The following CADM1 variants were observed in gnomAD, a reference collection of about 807,000 sequenced individuals.
The protein encoded by CADM1 is cell adhesion molecule 1.
CADM1 carries 15 observed loss-of-function variants against 53.1 expected under a neutral mutation model. That is an observed-to-expected ratio of 0.28 (90% CI 0.19 to 0.44). The LOEUF (loss-of-function observed/expected upper bound fraction) is 0.44. Ranked by LOEUF, CADM1 falls within the 20% of genes least tolerant of loss-of-function variation. CADM1 has a pLI of 1.00. For synonymous variants in CADM1, 281 were observed against 243.0 expected (o/e 1.16, Z -1.45); for missense variants, 434 against 611.3 (o/e 0.71, Z 3.06).
chr11:115,327,114 C>CTT (rs1231872757), intron 1 of CADM1, among the ~76,000 whole-genome samples: 1 of 152,152 alleles, frequency 6.6e-6, no homozygotes, highest in African/African-American at 2.4e-5. Flanking sequence ...TACTTGCCAT[C>CTT]TTTACATGCA....
intron 1 of CADM1, among the ~76,000 whole-genome samples, chr11:115,400,633 A>T (rs1410699431): frequency 2.3e-5 from 2 of 85,560 alleles, no homozygotes; most frequent in African/African-American, 4.3e-5. Flanking sequence ...TATATGTATC[A>T]TATATATGTG....
At chr11:115,337,396 CCT>C (rs1199646797) in intron 1 of CADM1, among the ~76,000 whole-genome samples, 5 of 152,126 alleles carry the variant, frequency 3.3e-5, no homozygotes, top group African/African-American at 1.2e-4. Context: ...CTCAACAGCA[CCT>C]CTCTTTTCCA....
chr11:115,290,151 A>C lies in CADM1; in HGVS notation c.125-49731T>G, dbSNP rs543563981. Reference sequence around the variant, plus strand: ...GTAAACAGATGGAGGGAAGGGCAGAAAGGTGAGAGCAGTGTCTGCAGAGGC... The same window carrying C: ...GTAAACAGATGGAGGGAAGGGCAGACAGGTGAGAGCAGTGTCTGCAGAGGC... On this transcript the variant is annotated intron_variant, in intron 1 of 11. Transcript: ENST00000331581. 3.9e-5 allele frequency among the ~76,000 whole-genome samples: 6 copies of C among 152,334 alleles called. No homozygotes were observed. The East Asian group carries it at 1.2e-3, about 29-fold the overall frequency.
chr11:115,184,784 C>G (rs561077636), intron 10 of CADM1, among the ~76,000 whole-genome samples: 49 of 152,356 alleles, frequency 3.2e-4, no homozygotes, highest in Non-Finnish European at 5.1e-4. Flanking sequence ...TGGTGCCACC[C>G]AGAGCTCAGT....
intron 1 of CADM1, among the ~76,000 whole-genome samples, chr11:115,344,001 T>G (rs989874248): frequency 3.3e-5 from 5 of 152,182 alleles, no homozygotes; most frequent in Non-Finnish European, 7.3e-5. Flanking sequence ...AGAGTTTAAA[T>G]AGAGTATCGT....
intron 1 of CADM1, among the ~76,000 whole-genome samples, chr11:115,457,837 A>G (rs1375025646): frequency 1.3e-5 from 2 of 152,182 alleles, no homozygotes; most frequent in African/African-American, 4.8e-5. Flanking sequence ...AAAAACGGCT[A>G]ATGAATAAGT....
At position 115,496,817 on chromosome 11, in the gene CADM1, C is replaced by T. The variant is rs186964753; in HGVS notation, c.124+7454G>A. On this transcript the variant is annotated intron_variant, in intron 1 of 11. Transcript: ENST00000331581. ...AAGCTAAGGAGGGGAAAAAAGACTC[C>T]AAATTTAGGGGCCTTGGAGACCAGG... Among the ~76,000 whole-genome samples the T allele has an allele frequency of 7.6e-3, 1,151 of 152,048 alleles. 66 individuals are homozygous for T. Among genetic ancestry groups the T allele is most frequent in the East Asian group, 3.5e-3 (18 of 5,172 alleles).
chr11:115,479,167 T>TGC (rs2135406123), intron 1 of CADM1, among the ~76,000 whole-genome samples: 1 of 152,258 alleles, frequency 6.6e-6, no homozygotes, highest in East Asian at 1.9e-4. Flanking sequence ...ATTTTTATCT[T>TGC]TAAGACTTTT....
intron 1 of CADM1, among the ~76,000 whole-genome samples, chr11:115,501,587 A>C (rs1246338556): frequency 6.6e-6 from 1 of 152,164 alleles, no homozygotes; most frequent in African/African-American, 2.4e-5. Context: ...ATTAACATCC[A>C]TTTCATCCAA....
chr11:115,190,033 C>T (rs1343695274), intron 10 of CADM1, among the ~76,000 whole-genome samples: 1 of 152,202 alleles, frequency 6.6e-6, no homozygotes, highest in Non-Finnish European at 1.5e-5. Context: ...GTAAAAGCGC[C>T]TCTGGAATCT....
intron 1 of CADM1, among the ~76,000 whole-genome samples, chr11:115,491,503 C>G (rs1263435723): frequency 6.6e-6 from 1 of 151,776 alleles, no homozygotes; most frequent in Non-Finnish European, 1.5e-5. Flanking sequence ...GGCGGGGAGC[C>G]TGCAGTGAGC....
intron 1 of CADM1, among the ~76,000 whole-genome samples, chr11:115,448,908 TTCAATCCTCAGGATTA>T (rs1490163966): frequency 6.6e-6 from 1 of 152,228 alleles, no homozygotes; most frequent in Non-Finnish European, 1.5e-5. Context: ...AATTCTTTAT[TTCAATCCTCAGGATTA>T]TTCTTCCCAT....
At chr11:115,448,347 G>A (rs535991452) in intron 1 of CADM1, among the ~76,000 whole-genome samples, 1 of 152,036 alleles carries the variant, frequency 6.6e-6, no homozygotes, top group Admixed American at 6.6e-5. Context: ...CTATAAATCT[G>A]ATTAGAAAAA....
In CADM1 at chr11:115,486,375, A is replaced by G. The variant is rs534193142; in HGVS notation, c.124+17896T>C. On this transcript the variant is annotated intron_variant, in intron 1 of 11. Coordinates refer to ENST00000331581, the MANE Select transcript of CADM1 (RefSeq NM_001301043.2). ...TGTTTATGTATTTATTTTTTGAGAC[A>G]GGTCTCACTCTGTTGCCCAGGCTGG... Among the ~76,000 whole-genome samples, 3 of 152,290 alleles carry G rather than the reference A, an allele frequency of 2.0e-5. No homozygotes were observed. In the South Asian group the frequency reaches 6.2e-4, roughly 32 times the overall value.
chr11:115,228,219 A>T (rs139018021), intron 5 of CADM1, among the ~76,000 whole-genome samples: 1 of 152,268 alleles, frequency 6.6e-6, no homozygotes, highest in African/African-American at 2.4e-5. Flanking sequence ...TCCTGCCAAA[A>T]CCTTGATTTT....
Position 115,176,445 on chromosome 11 carries a change from G to A in CADM1, c.*29C>T. ...CTTTATCATCTAAATAGGGCCAGTT[G>A]GACACCTCATTGAAACAAAAAGGCT... On this transcript the variant is annotated 3_prime_UTR_variant, in exon 12 of 12. Transcript: ENST00000331581. 2 of 1,612,552 alleles carry A rather than the reference G, an allele frequency of 1.2e-6. No individual in the cohort carries two copies. Among genetic ancestry groups the A allele is most frequent in the African/African-American group, 1.3e-5 (1 of 74,922 alleles).
At position 115,173,132 on chromosome 11, in the gene CADM1, C is replaced by T. The variant is rs1938855795; in HGVS notation, c.*3342G>A. Reference sequence around the variant, plus strand: ...AGGCAGCCAAGCCAGTCCTCCACAGCTCACGTCTTCTTTTTATGAAAGGAG... The same window carrying T: ...AGGCAGCCAAGCCAGTCCTCCACAGTTCACGTCTTCTTTTTATGAAAGGAG... On this transcript the variant is annotated 3_prime_UTR_variant, in exon 12 of 12. Transcript: ENST00000331581. 1.3e-5 allele frequency: 2 copies of T among 152,294 alleles called. No individual in the cohort carries two copies. The highest frequency in any genetic ancestry group is 4.1e-4 in the South Asian group (2 of 4,826). 9.4% of individuals were successfully genotyped at this position (152,294 alleles called of 1,614,324 possible).
intron 1 of CADM1, among the ~76,000 whole-genome samples, chr11:115,253,576 A>T (rs752899107): frequency 3.3e-5 from 5 of 152,210 alleles, no homozygotes; most frequent in Admixed American, 6.5e-5. Context: ...TTCTTAGGTA[A>T]AAATATACCC....
rs56270694 is a variant in CADM1 at position 115,206,758 on chromosome 11, CTTTTTTTTTTT to C, written c.1078+2805_1078+2815del. On this transcript the variant is annotated intron_variant, in intron 8 of 11. Coordinates refer to ENST00000331581, the MANE Select transcript of CADM1 (RefSeq NM_001301043.2). The stretch of plus-strand genomic sequence containing the variant: ...AAAAGAAATAGATGACTGTGGACTT[CTTTTTTTTTTT>C]TTTTTTTTTTTTTTTTTTTTAAGCT... Among the ~76,000 whole-genome samples the C allele has an allele frequency of 1.0e-3, 40 of 38,232 alleles. 2 individuals carry two copies. In the Middle Eastern group the frequency reaches 0.13, roughly 126 times the overall value. 25.1% of individuals were successfully genotyped at this position (38,232 alleles called of 152,430 possible). A position where few individuals can be genotyped will look rare whatever the true frequency, so the allele number is the denominator to read the frequency against.
Sources: allele counts gnomAD v4.1 joint callset (sites outside exome capture counted in the v4.1 genomes callset), GRCh38; gene constraint gnomAD v4.1.1; transcripts MANE v1.5; gene names NCBI Gene and HGNC (gene_info 2026-07-23, HGNC 2026-07-21).